ATAD2: variants seen among roughly 807,000 people sequenced by gnomAD.
ATAD2 encodes ATPase family AAA domain containing 2, also known as ATPase family AAA domain-containing protein 2.
ATAD2 carries 62 observed loss-of-function variants against 168.9 expected under a neutral mutation model. The observed-to-expected ratio is 0.37, with a 90% CI of 0.30 to 0.45. The LOEUF (loss-of-function observed/expected upper bound fraction) is 0.45. Among genes scored for constraint, ATAD2 ranks in the 20% least tolerant of loss-of-function variants. The probability of loss-of-function intolerance (pLI) is 1.00; values close to 1 mark genes in which losing one functional copy is unlikely to be tolerated. For missense variants in ATAD2, 1,419 were observed against 1,667.8 expected, an observed-to-expected ratio of 0.85 and a Z score of 2.60; for synonymous variants, 613 against 571.6, an observed-to-expected ratio of 1.07 and a Z score of -1.03.
chr8:123,354,350 C>A (rs1428761838), intron 13 of ATAD2, among the ~76,000 whole-genome samples: 4 of 152,182 alleles, frequency 2.6e-5, no homozygotes, highest in Non-Finnish European at 5.9e-5. Flanking sequence ...TACATTTTTA[C>A]TCTGTCAGAA....
rs775386677 is a variant in ATAD2 at position 123,339,406 on chromosome 8, T to G, written c.2759A>C (p.Asn920Thr). The G allele has an allele frequency of 1.1e-5, 17 of 1,598,788 alleles. No individual in the cohort carries two copies. The highest frequency in any genetic ancestry group is 1.4e-5 in the Non-Finnish European group (16 of 1,173,168). ...TTCTTCTTTATCCGGTAACTGGACA[T>G]TAAAAATCTCTCCATAATCACGGAT... ...LFIRDYGEIF[N>T]VQLPDKEERT... The change falls in exon 20 of 28, where the codon AAT becomes ACT. Residue 920 changes from asparagine to threonine, a missense_variant. Physicochemically the swap from Asn to Thr is moderately conservative, Grantham distance 65 (BLOSUM62 0). This residue lies in a region of ATAD2 where 545 missense variants were observed against 724.9 expected (regional missense o/e 0.75). Coordinates refer to ENST00000287394, the MANE Select transcript of ATAD2 (RefSeq NM_014109.4).
upstream of ATAD2, chr8:123,396,508 G>A: frequency 1.3e-6 from 1 of 766,924 alleles, no homozygotes; most frequent in East Asian, 2.8e-5. Flanking sequence ...TCCGCCGTCT[G>A]TCCCGCCCAC....
rs932923725 is a variant in ATAD2, at chr8:123,319,897, C to A, written c.*1237G>T. 2 of 151,978 alleles carry A rather than the reference C, an allele frequency of 1.3e-5. No individual in the cohort carries two copies. The highest frequency in any genetic ancestry group is 4.1e-4 in the South Asian group (2 of 4,822). 9.4% of individuals were successfully genotyped at this position (151,978 alleles called of 1,614,324 possible). ...AAATTTATTACATAAGCTATACACA[C>A]AAAATGAAATCCTAGTTATAAAAGA... On this transcript the variant is annotated 3_prime_UTR_variant, in exon 28 of 28. Coordinates refer to ENST00000287394, the MANE Select transcript of ATAD2 (RefSeq NM_014109.4).
chr8:123,395,793 AAGC>A (rs1812797758), intron 1 of ATAD2, among the ~76,000 whole-genome samples: 3 of 152,066 alleles, frequency 2.0e-5, no homozygotes, highest in Admixed American at 6.6e-5. Flanking sequence ...CGCAGACAGA[AAGC>A]AGTCAGGGGA....
At chr8:123,326,862 C>G (rs79443064) in intron 25 of ATAD2, among the ~76,000 whole-genome samples, 2,017 of 152,126 alleles carry the variant, frequency 0.013, 20 homozygotes, top group Non-Finnish European at 0.022. Context: ...ACAATACATT[C>G]AATGATAAAT....
chr8:123,367,533 C>A (rs1333062452), intron 8 of ATAD2, among the ~76,000 whole-genome samples: 1 of 152,122 alleles, frequency 6.6e-6, no homozygotes, highest in Admixed American at 6.6e-5. Context: ...GTGCCTTGGT[C>A]CTGTGCCTGG....
intron 1 of ATAD2, among the ~76,000 whole-genome samples, chr8:123,388,675 T>C (rs1261635183): frequency 1.3e-5 from 2 of 151,344 alleles, no homozygotes; most frequent in African/African-American, 2.4e-5. Flanking sequence ...TGAGCCACCA[T>C]GCCCAGCCAA....
At chr8:123,325,394 T>C (rs1466469120) in intron 26 of ATAD2, among the ~76,000 whole-genome samples, 1 of 152,046 alleles carries the variant, frequency 6.6e-6, no homozygotes, top group Admixed American at 6.6e-5. Flanking sequence ...GCCATTCTCC[T>C]GTCTCAGCCT....
intron 1 of ATAD2, among the ~76,000 whole-genome samples, chr8:123,406,096 C>A (rs1213593708): frequency 6.6e-6 from 1 of 152,034 alleles, no homozygotes; most frequent in African/African-American, 2.4e-5. Flanking sequence ...ATGAAGGCAG[C>A]CTGGGCATAG....
Position 123,352,925 on chromosome 8 carries a change from C to T in ATAD2, c.1646+3464G>A, listed in dbSNP as rs909839707. ...AAAACAAACAAACAAACAACCAAAA[C>T]CCAGCTGAGTGTGGTAGTGTGTGCC... On this transcript the variant is annotated intron_variant, in intron 13 of 27. Transcript: ENST00000287394. 7.2e-5 allele frequency among the ~76,000 whole-genome samples: 11 copies of T among 151,804 alleles called. No individual in the cohort carries two copies. In the South Asian group the frequency reaches 2.3e-3, roughly 32 times the overall value.
chr8:123,395,514 T>C (rs1812781486), intron 1 of ATAD2, among the ~76,000 whole-genome samples: 1 of 151,712 alleles, frequency 6.6e-6, no homozygotes, highest in African/African-American at 2.4e-5. Context: ...TGAGTTCCAA[T>C]TTTAGATCTA....
intron 2 of ATAD2, among the ~76,000 whole-genome samples, chr8:123,374,840 A>G (rs1829255740): frequency 1.3e-5 from 2 of 152,184 alleles, no homozygotes; most frequent in Non-Finnish European, 2.9e-5. Flanking sequence ...TTTTGTGTAC[A>G]CTCTGCGAAG....
intron 2 of ATAD2, among the ~76,000 whole-genome samples, chr8:123,375,783 C>T (rs910741056): frequency 2.0e-5 from 3 of 152,108 alleles, no homozygotes; most frequent in African/African-American, 4.8e-5. Context: ...CCAGCCTGGC[C>T]AACATGGTGA....
rs758104627 is a variant in ATAD2 at position 123,357,636 on chromosome 8, T to C, written c.1483A>G (p.Met495Val). Residue 495 changes from methionine to valine, a missense_variant, in exon 12 of 28, where the codon ATG becomes GTG. This residue lies in a region of ATAD2 where 146 missense variants were observed against 188.3 expected (regional missense o/e 0.78). Transcript: ENST00000287394. ...CTTAGACAATCAGCACCTTTCCTCA[T>C]GAAAAATGCTACTCTTTTATCCCCT... ...SQGDKRVAFF[M>V]RKGADCLSKW... 1.9e-6 allele frequency: 3 copies of C among 1,614,088 alleles called. No individual in the cohort carries two copies. Among genetic ancestry groups the C allele is most frequent in the Admixed American group, 1.7e-5 (1 of 60,010 alleles).
At chr8:123,396,008 G>C (rs113967341) in intron 1 of ATAD2, among the ~76,000 whole-genome samples, 179 bp downstream of exon 1, 3,376 of 152,242 alleles carry the variant, frequency 0.022, 147 homozygotes, top group African/African-American at 0.077. Flanking sequence ...CCTCAGCTCA[G>C]CGATCCGACC....
At chr8:123,359,470 G>A (rs1158141053) in intron 10 of ATAD2, 107 bp downstream of exon 10, 1 of 1,269,314 alleles carries the variant, frequency 7.9e-7, no homozygotes, top group African/African-American at 1.5e-5. Flanking sequence ...GTCTGTAAAG[G>A]TTAGAGTTTT....
chr8:123,372,506 T>A, intron 3 of ATAD2, 131 bp downstream of exon 3: 1 of 683,574 alleles, frequency 1.5e-6, no homozygotes, highest in Non-Finnish European at 2.3e-6. Context: ...CTTCATGGCA[T>A]ATACTTACGT....
Position 123,361,598 on chromosome 8 carries a change from AGAG to A in ATAD2, c.1095_1097del (p.Ser366del). 1 of 1,613,446 alleles carries A rather than the reference AGAG, an allele frequency of 6.2e-7. No homozygotes were observed. The highest frequency in any genetic ancestry group is 8.5e-7 in the Non-Finnish European group (1 of 1,179,550). ...GCCTCTCAAAGTGCTGTTCATCTTC[AGAG>A]GAGGAAGATGAAGTCGAGTCACTAC... is the stretch of plus-strand genomic sequence containing the variant. On this transcript the variant is annotated inframe_deletion, in exon 9 of 28. Transcript: ENST00000287394.
chr8:123,392,617 T>C (rs1265676389), intron 1 of ATAD2, among the ~76,000 whole-genome samples: 1 of 146,888 alleles, frequency 6.8e-6, no homozygotes, highest in Non-Finnish European at 1.5e-5. Context: ...TTTAAAATAA[T>C]GTAAAAAAAA....
Sources: gnomAD v4.1 joint callset for allele counts (sites outside exome capture counted in the v4.1 genomes callset) on GRCh38, gnomAD v4.1.1 for gene constraint, gnomAD v4.1.1 regional missense constraint, MANE v1.5 for transcripts, NCBI Gene and HGNC (gene_info 2026-07-23, HGNC 2026-07-21) for gene names.